UGT2B10: variants seen among roughly 807,000 people sequenced by gnomAD.
The protein encoded by UGT2B10 is UDP glucuronosyltransferase family 2 member B10, also known as UDP-glucuronosyltransferase 2B10.
In UGT2B10, 51 loss-of-function variants were observed where a neutral mutation model predicts 43.7. The ratio of observed to expected loss-of-function variants is 1.17; its 90% CI spans 0.93 to 1.47. UGT2B10 has a LOEUF of 1.47. UGT2B10 is among the 40% of genes most tolerant of loss of function. The probability of loss-of-function intolerance (pLI) is 0.00; values close to 1 mark genes in which losing one functional copy is unlikely to be tolerated. For synonymous variants in UGT2B10, 225 were observed against 209.0 expected (o/e 1.08, Z -0.66); for missense variants, 696 against 617.7 (o/e 1.13, Z -1.34).
At chr4:68,819,124 GT>G (rs1449378153) in intron 2 of UGT2B10, among the ~76,000 whole-genome samples, 1 of 151,834 alleles carries the variant, frequency 6.6e-6, no homozygotes, top group Non-Finnish European at 1.5e-5. Flanking sequence ...ATATTGTGTT[GT>G]GTGGAAAAAA....
At chr4:68,822,217 T>C (rs565163936) in intron 2 of UGT2B10, 54 bp from the exon 3 acceptor site, 1 of 1,591,472 alleles carries the variant, frequency 6.3e-7, no homozygotes, top group East Asian at 2.2e-5. Flanking sequence ...CTTTCGGTAG[T>C]GCCTGCTGTG....
chr4:68,817,991 T>G (rs746034357), intron 1 of UGT2B10, 38 bp from the exon 2 acceptor site: 3 of 1,588,776 alleles, frequency 1.9e-6, no homozygotes, highest in Admixed American at 3.8e-5. Flanking sequence ...AGTAATTATC[T>G]TATGTCATCC....
intron 5 of UGT2B10, among the ~76,000 whole-genome samples, chr4:68,829,493 A>G (rs906740431): frequency 1.3e-5 from 2 of 152,052 alleles, no homozygotes; most frequent in African/African-American, 4.8e-5. Context: ...TGTATTTTGT[A>G]TTTAAATATA....
intron 5 of UGT2B10, among the ~76,000 whole-genome samples, chr4:68,828,756 T>A (rs1737929429): frequency 1.3e-5 from 2 of 152,004 alleles, no homozygotes; most frequent in African/African-American, 4.8e-5. Context: ...GGAAGACACA[T>A]TTTCCTAGAG....
At position 68,831,016 on chromosome 4, in the gene UGT2B10, A is replaced by G; in HGVS notation, c.*137A>G. On this transcript the variant is annotated 3_prime_UTR_variant, in exon 6 of 6. Transcript: ENST00000265403. ...CTTTCGAAGTCTACCTTGTCAAGTA[A>G]AAATTTGTTTTTCAGAGATTTACCA... 7.8e-7 allele frequency: 1 copy of G among 1,286,878 alleles called. No individual in the cohort carries two copies. Among genetic ancestry groups the G allele is most frequent in the South Asian group, 1.6e-5 (1 of 61,706 alleles). 79.7% of individuals were successfully genotyped at this position (1,286,878 alleles called of 1,614,324 possible). A position where few individuals can be genotyped will look rare whatever the true frequency, so the allele number is the denominator to read the frequency against.
At chr4:68,827,694 T>TA in intron 5 of UGT2B10, 146 bp downstream of exon 5, 1 of 1,362,618 alleles carries the variant, frequency 7.3e-7, no homozygotes, top group Non-Finnish European at 9.8e-7. Flanking sequence ...TTTTACTTTT[T>TA]ATCTGTTATT....
intron 5 of UGT2B10, among the ~76,000 whole-genome samples, chr4:68,828,743 A>G (rs1427002537): frequency 6.6e-6 from 1 of 152,052 alleles, no homozygotes; most frequent in East Asian, 1.9e-4. Context: ...GTATATATCA[A>G]CTGGAAGACA....
chr4:68,820,052 A>G (rs1737415918), intron 2 of UGT2B10, among the ~76,000 whole-genome samples: 1 of 151,956 alleles, frequency 6.6e-6, no homozygotes, highest in Admixed American at 6.6e-5. Context: ...TGAAAAATAT[A>G]TGCCACTCTA....
chr4:68,820,293 G>C (rs1007542507), intron 2 of UGT2B10, among the ~76,000 whole-genome samples: 7 of 151,924 alleles, frequency 4.6e-5, no homozygotes, highest in Non-Finnish European at 7.4e-5. Context: ...TATTTGCTAA[G>C]CCAGGTTGCT....
intron 4 of UGT2B10, among the ~76,000 whole-genome samples, chr4:68,826,943 C>T (rs1211866809): frequency 6.6e-6 from 1 of 152,084 alleles, no homozygotes; most frequent in African/African-American, 2.4e-5. Context: ...ACCTGTCTTT[C>T]CTCAATCTTA....
intron 3 of UGT2B10, among the ~76,000 whole-genome samples, chr4:68,825,822 C>A (rs1161005618): frequency 6.6e-6 from 1 of 151,972 alleles, no homozygotes; most frequent in African/African-American, 2.4e-5. Flanking sequence ...ATCTTTATGA[C>A]AGAACAAGTT....
intron 1 of UGT2B10, 30 bp from the exon 2 acceptor site, chr4:68,817,999 T>C: frequency 3.8e-6 from 6 of 1,592,554 alleles, no homozygotes; most frequent in Non-Finnish European, 5.1e-6. Flanking sequence ...TCTTATGTCA[T>C]CCACTTCTTC....
intron 2 of UGT2B10, among the ~76,000 whole-genome samples, chr4:68,820,929 T>C (rs752583241): frequency 5.9e-5 from 9 of 152,118 alleles, no homozygotes; most frequent in Non-Finnish European, 8.8e-5. Context: ...ACACAGAGGT[T>C]AGATTCCTTC....
At chr4:68,827,613 A>G in intron 5 of UGT2B10, 65 bp downstream of exon 5, 2 of 1,593,526 alleles carry the variant, frequency 1.3e-6, no homozygotes, top group South Asian at 1.1e-5. Context: ...AGTAGTGAGC[A>G]TGAGTTTCAT....
chr4:68,828,332 A>G (rs971415207), intron 5 of UGT2B10, among the ~76,000 whole-genome samples: 5 of 152,012 alleles, frequency 3.3e-5, no homozygotes, highest in Middle Eastern at 3.4e-3. Context: ...TTACACTTGT[A>G]TAATATTTTT....
intron 1 of UGT2B10, among the ~76,000 whole-genome samples, chr4:68,817,706 C>T (rs1339022342): frequency 2.0e-5 from 3 of 151,602 alleles, no homozygotes; most frequent in Non-Finnish European, 4.4e-5. Context: ...CTAGAGGCTA[C>T]TATTGAAGCT....
At chr4:68,827,913 ATAAC>A in intron 5 of UGT2B10, among the ~76,000 whole-genome samples, 1 of 150,502 alleles carries the variant, frequency 6.6e-6, no homozygotes, top group Non-Finnish European at 1.5e-5. Flanking sequence ...GTCTCAGAAT[ATAAC>A]TATTTTCTTG....
intron 3 of UGT2B10, 121 bp from the exon 4 acceptor site, chr4:68,826,289 G>A: frequency 9.2e-7 from 1 of 1,087,824 alleles, no homozygotes; most frequent in Non-Finnish European, 1.3e-6. Context: ...TTTTGCATCA[G>A]TCTTTGAGTA....
intron 3 of UGT2B10, among the ~76,000 whole-genome samples, chr4:68,825,911 C>T (rs1272544360): frequency 1.3e-5 from 2 of 152,052 alleles, no homozygotes; most frequent in East Asian, 3.9e-4. Context: ...TGAGGAATCA[C>T]CACACTGTCT....
Sources: allele counts gnomAD v4.1 joint callset (sites outside exome capture counted in the v4.1 genomes callset), GRCh38; gene constraint gnomAD v4.1.1; transcripts MANE v1.5; gene names NCBI Gene and HGNC (gene_info 2026-07-23, HGNC 2026-07-21).